Variants in OSBPL9 observed in about 807,000 individuals in gnomAD.
The protein encoded by OSBPL9 is oxysterol-binding protein-related protein 9.
OSBPL9 carries 40 observed loss-of-function variants against 106.6 expected under a neutral mutation model. That is an observed-to-expected ratio of 0.38 (90% CI 0.29 to 0.49). The LOEUF is 0.49. Ranked by LOEUF, OSBPL9 falls within the 20% of genes least tolerant of loss-of-function variation. The pLI is 0.97. For missense variants in OSBPL9, 609 were observed against 887.2 expected (o/e 0.69, Z 3.98); for synonymous variants, 269 against 295.4 (o/e 0.91, Z 0.92).
At chr1:51,674,948 T>G (rs375091912) in intron 3 of OSBPL9, among the ~76,000 whole-genome samples, 38 of 152,250 alleles carry the variant, frequency 2.5e-4, no homozygotes, top group African/African-American at 8.9e-4. Context: ...TTAAGAAAGT[T>G]TATGTATTTG....
rs115590614 is a variant in OSBPL9, at chr1:51,653,310, T to C, written c.162+1269T>C. Among the ~76,000 whole-genome samples the C allele has an allele frequency of 4.5e-3, 678 of 152,320 alleles. 7 individuals are homozygous for C. The highest frequency in any genetic ancestry group is 0.015 in the African/African-American group (640 of 41,578). ...CCAGTCAGTCTGGTATTAACTGCTC[T>C]TTTGGCTTGAGATAAGTTCAGTAGT... On this transcript the variant is annotated intron_variant, in intron 2 of 23. Transcript: ENST00000428468.
intron 1 of OSBPL9, among the ~76,000 whole-genome samples, chr1:51,587,505 TC>T (rs1215956512): frequency 6.6e-6 from 1 of 152,246 alleles, no homozygotes; most frequent in Non-Finnish European, 1.5e-5. Flanking sequence ...CCATCCCATT[TC>T]TTTTTAGTCA....
At chr1:51,547,305 G>T in the OSBPL9 span, among the ~76,000 whole-genome samples, 1 of 152,118 alleles carries the variant, frequency 6.6e-6, no homozygotes, top group Non-Finnish European at 1.5e-5. Flanking sequence ...AAAATATTAT[G>T]CAACAATCAA....
chr1:51,579,303 A>G (rs979695791), intron 1 of OSBPL9, among the ~76,000 whole-genome samples: 1 of 152,306 alleles, frequency 6.6e-6, no homozygotes, highest in East Asian at 1.9e-4. Flanking sequence ...ATTTGTGTGC[A>G]TATGTAATCT....
chr1:51,723,216 C>A (rs1047988877), intron 4 of OSBPL9, among the ~76,000 whole-genome samples: 5 of 152,058 alleles, frequency 3.3e-5, no homozygotes, highest in African/African-American at 1.2e-4. Context: ...TGGGTTTGGT[C>A]GATTTTATAA....
intron 3 of OSBPL9, among the ~76,000 whole-genome samples, chr1:51,676,475 T>C (rs1651235580): frequency 1.3e-5 from 2 of 151,682 alleles, no homozygotes; most frequent in African/African-American, 2.4e-5. Context: ...TAAATTACAG[T>C]GCAGTTTAAT....
intron 2 of OSBPL9, among the ~76,000 whole-genome samples, chr1:51,661,993 G>A (rs1412378239): frequency 1.3e-5 from 2 of 152,136 alleles, no homozygotes; most frequent in Non-Finnish European, 2.9e-5. Flanking sequence ...AGAACTGCTT[G>A]AGAATGAAAG....
At chr1:51,660,202 A>G (rs1421274534) in intron 2 of OSBPL9, among the ~76,000 whole-genome samples, 22 of 152,174 alleles carry the variant, frequency 1.4e-4, no homozygotes, top group Admixed American at 1.4e-3. Flanking sequence ...AGAGGTATAA[A>G]ATGAAATTTT....
chr1:51,640,853 A>G (rs1645745656), intron 1 of OSBPL9, among the ~76,000 whole-genome samples: 2 of 151,008 alleles, frequency 1.3e-5, no homozygotes, highest in South Asian at 4.2e-4. Context: ...ACTGGAGTGC[A>G]GTGCATTGTA....
chr1:51,608,637 C>T (rs1557583142), intron 2 of OSBPL9, among the ~76,000 whole-genome samples: 1 of 151,362 alleles, frequency 6.6e-6, no homozygotes, highest in Non-Finnish European at 1.5e-5. Flanking sequence ...GTTTAACAAT[C>T]TCCTGACCAT....
At chr1:51,759,775 AC>A (rs1671111978) in intron 9 of OSBPL9, 1 of 152,112 alleles carries the variant, frequency 6.6e-6, no homozygotes, top group African/African-American at 2.4e-5. Flanking sequence ...AGAATCCTAG[AC>A]TTTTCTCCCC....
At chr1:51,780,730 A>G (rs1676180015) in intron 15 of OSBPL9, among the ~76,000 whole-genome samples, 1 of 151,982 alleles carries the variant, frequency 6.6e-6, no homozygotes, top group South Asian at 2.1e-4. Context: ...ACGCCACTGC[A>G]CTCCAGCCTG....
chr1:51,771,752 C>T (rs17106750), intron 12 of OSBPL9, among the ~76,000 whole-genome samples: 1,899 of 152,160 alleles, frequency 0.012, 37 homozygotes, highest in African/African-American at 0.044. Flanking sequence ...TGAGACTTGC[C>T]GTTTCTGGAA....
At chr1:51,759,491 G>T (rs1671050925) in intron 9 of OSBPL9, 1 of 152,094 alleles carries the variant, frequency 6.6e-6, no homozygotes, top group Non-Finnish European at 1.5e-5. Context: ...TATTGGCAAA[G>T]TATTTCCCTT....
intron 4 of OSBPL9, among the ~76,000 whole-genome samples, chr1:51,722,772 G>A (rs1662387619): frequency 6.6e-6 from 1 of 152,206 alleles, no homozygotes; most frequent in South Asian, 2.1e-4. Context: ...ATGCTTGGTG[G>A]TGTATTTGTG....
At chr1:51,716,146 C>T (rs546503253) in intron 4 of OSBPL9, among the ~76,000 whole-genome samples, 1 of 152,288 alleles carries the variant, frequency 6.6e-6, no homozygotes, top group East Asian at 1.9e-4. Context: ...CTTCTAATAG[C>T]TTTGATATTT....
chr1:51,566,598 G>T, the OSBPL9 span: 2 of 152,216 alleles, frequency 1.3e-5, no homozygotes, highest in Non-Finnish European at 2.9e-5. Flanking sequence ...TAGATCCCAA[G>T]CATTAAATGC....
intron 2 of OSBPL9, among the ~76,000 whole-genome samples, chr1:51,665,557 T>G (rs1360223517): frequency 6.6e-6 from 1 of 152,174 alleles, no homozygotes; most frequent in East Asian, 1.9e-4. Context: ...TCATAGGAAA[T>G]GAAGGACTGA....
At chr1:51,656,637 C>T (rs757576922) in intron 2 of OSBPL9, among the ~76,000 whole-genome samples, 4 of 150,428 alleles carry the variant, frequency 2.7e-5, no homozygotes, top group Non-Finnish European at 5.9e-5. Context: ...CTTCTTCCCC[C>T]ACTCCTGCTT....
Sources: allele counts gnomAD v4.1 joint callset (sites outside exome capture counted in the v4.1 genomes callset), GRCh38; gene constraint gnomAD v4.1.1; transcripts MANE v1.5; gene names NCBI Gene and HGNC (gene_info 2026-07-23, HGNC 2026-07-21).